The following MYO7A variants were observed in gnomAD, a reference collection of about 807,000 sequenced individuals.
MYO7A encodes the protein unconventional myosin-VIIa.
MYO7A carries 210 observed loss-of-function variants against 263.8 expected under a neutral mutation model. The observed-to-expected ratio is 0.80, with a 90% CI of 0.71 to 0.89. MYO7A has a LOEUF of 0.89. Among genes scored for constraint, MYO7A ranks in the 40% least tolerant of loss-of-function variants. The pLI, the probability that MYO7A is intolerant of heterozygous loss-of-function variation, is 0.00. For missense variants in MYO7A, 2,820 were observed against 2,968.3 expected (o/e 0.95, Z 1.16); for synonymous variants, 1,239 against 1,197.3 (o/e 1.03, Z -0.72).
chr11:77,190,026 C>G lies in MYO7A; in HGVS notation c.3637C>G (p.Arg1213Gly), dbSNP rs772481987. The change falls in exon 29 of 49, where the codon CGG becomes GGG. Residue 1213 changes from arginine (R) to glycine (G), a missense_variant. Transcript: ENST00000409709. ...APSEKFVKYL[R>G]NFIHGGPPGY... ...GCGGGTACTCTGGCTGCAGTACCTG[C>G]GGAACTTCATCCACGGGGGCCCGCC... 2 of 1,549,814 alleles carry G rather than the reference C, an allele frequency of 1.3e-6. No homozygotes were observed. Among genetic ancestry groups the G allele is most frequent in the South Asian group, 1.2e-5 (1 of 83,666 alleles).
chr11:77,174,629 G>T, intron 16 of MYO7A, 127 bp from the exon 17 acceptor site: 1 of 958,048 alleles, frequency 1.0e-6, no homozygotes, highest in East Asian at 2.7e-5. Flanking sequence ...GCCTGTCCCA[G>T]CTTTGCTCCT....
intron 4 of MYO7A, 100 bp downstream of exon 4, chr11:77,148,050 G>C: frequency 9.0e-7 from 1 of 1,109,460 alleles, no homozygotes; most frequent in Non-Finnish European, 1.2e-6. Flanking sequence ...CCGCCCTGCC[G>C]GGGCCCTGCC....
intron 15 of MYO7A, among the ~76,000 whole-genome samples, chr11:77,169,805 G>A (rs1485290051): frequency 6.6e-6 from 1 of 152,216 alleles, no homozygotes; most frequent in African/African-American, 2.4e-5. Flanking sequence ...GCCAGGTGAA[G>A]TGGCTCACAC....
chr11:77,147,713 CG>C, intron 3 of MYO7A, 84 bp from the exon 4 acceptor site: 1 of 1,549,230 alleles, frequency 6.5e-7, no homozygotes, highest in South Asian at 1.2e-5. Flanking sequence ...GCACTCACCC[CG>C]CGCTCCCGCC....
In MYO7A at chr11:77,204,215, C is replaced by T. The variant is rs548620787; in HGVS notation, c.5466C>T (p.Thr1822=). ...ATGTGCAGATCCTGAAGCAGCTGAC[C>T]GACAACCACATCAGGTGAGCCAGGC... ...EAYVQILKQL[T]DNHIRYSEER... The change falls in exon 39 of 49, where the codon ACC becomes ACT. Residue 1822 remains threonine (T), a synonymous_variant. Coordinates refer to ENST00000409709, the MANE Select transcript of MYO7A (RefSeq NM_000260.4). 9.3e-5 allele frequency: 146 copies of T among 1,575,796 alleles called. No homozygotes were observed. Among genetic ancestry groups the T allele is most frequent in the East Asian group, 2.6e-4 (11 of 42,444 alleles).
chr11:77,175,023 C>T, intron 17 of MYO7A, 109 bp downstream of exon 17: 2 of 1,394,270 alleles, frequency 1.4e-6, no homozygotes, highest in African/African-American at 1.4e-5. Flanking sequence ...ATCTGCTTGA[C>T]CTCTCAGGTG....
At position 77,207,337 on chromosome 11, in the gene MYO7A, A is replaced by G. The variant is rs772814170; in HGVS notation, c.5791A>G (p.Ile1931Val). The change falls in exon 42 of 49, where the codon ATC (isoleucine) becomes GTC (valine). Residue 1931 changes from isoleucine (I) to valine (V), a missense_variant. Physicochemically the swap from Ile to Val is conservative, Grantham distance 29. Transcript: ENST00000409709. ...STKAKDFCQNIATRLLLKSSE... is the reference protein window; with the variant it reads ...STKAKDFCQNVATRLLLKSSE... ...CAAGGCCAAGGACTTCTGCCAGAAC[A>G]TCGCCACCAGGCTGCTCCTCAAGTC... The G allele has an allele frequency of 1.2e-6, 2 of 1,612,706 alleles. No homozygotes were observed. Among genetic ancestry groups the G allele is most frequent in the Admixed American group, 1.7e-5 (1 of 59,884 alleles).
chr11:77,147,782 T>G lies in MYO7A; in HGVS notation c.133-16T>G. On this transcript the variant is annotated splice_polypyrimidine_tract_variant and intron_variant, in intron 3 of 48. Transcript: ENST00000409709. Reference sequence around the variant, plus strand: ...TGGGCCCCAGGAGAGCACGCTGACGTTCTGGCTCCCCGCAGGAACACTGGA... The same window carrying G: ...TGGGCCCCAGGAGAGCACGCTGACGGTCTGGCTCCCCGCAGGAACACTGGA... 2 of 1,606,154 alleles carry G rather than the reference T, an allele frequency of 1.2e-6. No individual in the cohort carries two copies. The highest frequency in any genetic ancestry group is 8.5e-7 in the Non-Finnish European group (1 of 1,177,122).
chr11:77,199,717 C>T lies in MYO7A; in HGVS notation c.4751C>T (p.Ser1584Phe), dbSNP rs1346469022. ...AAGGGGGACGAATACACCTTCACCT[C>T]CAGCAATGCTGAGGACATTCGTGAC... The part of the protein sequence containing the change: ...TIKGDEYTFT[S>F]SNAEDIRDLV... Residue 1584 changes from serine to phenylalanine, a missense_variant, in exon 35 of 49, where the codon TCC becomes TTC. Physicochemically the swap from Ser to Phe is radical, Grantham distance 155. Transcript: ENST00000409709. 2 of 1,613,580 alleles carry T rather than the reference C, an allele frequency of 1.2e-6. No homozygotes were observed. The highest frequency in any genetic ancestry group is 8.5e-7 in the Non-Finnish European group (1 of 1,179,850).
rs535826773 is a variant in MYO7A at position 77,129,615 on chromosome 11, C to T, written c.-46-974C>T. On this transcript the variant is annotated intron_variant, in intron 1 of 48. Transcript: ENST00000409709. Reference sequence around the variant, plus strand: ...GGCCACATCCTGCCCTGGATCAACTCGCCAACTTTGGGGGCAGAGGTGGGA... The same window carrying T: ...GGCCACATCCTGCCCTGGATCAACTTGCCAACTTTGGGGGCAGAGGTGGGA... Among the ~76,000 whole-genome samples the T allele has an allele frequency of 9.8e-4, 149 of 152,294 alleles. 1 individual carries two copies. The highest frequency in any genetic ancestry group is 3.4e-3 in the African/African-American group (142 of 41,548).
In MYO7A at chr11:77,142,763, G is replaced by T. The variant is rs782252317; in HGVS notation, c.73G>T (p.Gly25Trp). The stretch of plus-strand genomic sequence containing the variant: ...GGGGCAGGAGTTCGACGTGCCCATC[G>T]GGGCGGTGGTGAAGCTCTGCGACTC... ...RLGQEFDVPI[G>W]AVVKLCDSGQ... is the part of the protein sequence containing the mutation. The change falls in exon 3 of 49, where the codon GGG (glycine) becomes TGG (tryptophan). Residue 25 changes from glycine to tryptophan, a missense_variant. Gly to Trp is a radical substitution (Grantham distance 184). Transcript: ENST00000409709. 1 of 1,612,182 alleles carries T rather than the reference G, an allele frequency of 6.2e-7. No individual in the cohort carries two copies.
At chr11:77,207,914 A>G (rs538297832) in intron 42 of MYO7A, among the ~76,000 whole-genome samples, 1 of 152,306 alleles carries the variant, frequency 6.6e-6, no homozygotes, top group African/African-American at 2.4e-5. Flanking sequence ...CTGTCCCTGG[A>G]AGTCTTCCAG....
At chr11:77,137,866 T>G (rs1303708139) in intron 2 of MYO7A, among the ~76,000 whole-genome samples, 7 of 151,948 alleles carry the variant, frequency 4.6e-5, no homozygotes, top group Non-Finnish European at 5.9e-5. Context: ...CTGCCCTCAC[T>G]CCCCAGAGGC....
rs192859275 is a variant in MYO7A, at chr11:77,164,878, A to G, written c.1691-1178A>G. Among the ~76,000 whole-genome samples, 363 of 152,352 alleles carry G rather than the reference A, an allele frequency of 2.4e-3. 2 individuals carry two copies. Among genetic ancestry groups the G allele is most frequent in the Non-Finnish European group, 3.6e-3 (243 of 68,026 alleles). On this transcript the variant is annotated intron_variant, in intron 14 of 48. Transcript: ENST00000409709. Reference sequence around the variant, plus strand: ...CCCAGAAAGGGAAATGGCTTGCCTAAGGTTGTTAAACAAGACTAAATGACT... The same window carrying G: ...CCCAGAAAGGGAAATGGCTTGCCTAGGGTTGTTAAACAAGACTAAATGACT...
At chr11:77,183,456 G>A (rs781960453) in intron 26 of MYO7A, among the ~76,000 whole-genome samples, 5 of 152,244 alleles carry the variant, frequency 3.3e-5, no homozygotes, top group African/African-American at 7.2e-5. Flanking sequence ...ACTTCTAGCC[G>A]GGCACAGACC....
chr11:77,173,653 A>T (rs531891083), intron 16 of MYO7A, among the ~76,000 whole-genome samples: 2 of 152,022 alleles, frequency 1.3e-5, no homozygotes, highest in Non-Finnish European at 2.9e-5. Context: ...GCACAGGGGG[A>T]AGCTGGGGCC....
chr11:77,187,150 C>T (rs965588077), intron 27 of MYO7A, among the ~76,000 whole-genome samples: 31 of 152,048 alleles, frequency 2.0e-4, no homozygotes, highest in Non-Finnish European at 5.9e-5. Context: ...ACAATAGTAA[C>T]GTTAAAGATT....
rs782395712 is a variant in MYO7A at position 77,158,259 on chromosome 11, T to C, written c.850-18T>C. On this transcript the variant is annotated intron_variant, in intron 8 of 48. Coordinates refer to ENST00000409709, the MANE Select transcript of MYO7A (RefSeq NM_000260.4). ...ACTGACGTCCTCTTGCACCCCACTC[T>C]CCCACCCTGCCCACCAGGGTAACTG... 8 of 1,579,844 alleles carry C rather than the reference T, an allele frequency of 5.1e-6. No homozygotes were observed. Among genetic ancestry groups the C allele is most frequent in the Non-Finnish European group, 8.6e-7 (1 of 1,157,124 alleles).
At chr11:77,157,562 C>T (rs1555064603) in intron 8 of MYO7A, among the ~76,000 whole-genome samples, 170 bp downstream of exon 8, 3 of 152,210 alleles carry the variant, frequency 2.0e-5, no homozygotes, top group African/African-American at 7.2e-5. Context: ...ATTGCTGCCA[C>T]CAAGCAAAGG....
Sources: gnomAD v4.1 joint callset for allele counts (sites outside exome capture counted in the v4.1 genomes callset) on GRCh38, gnomAD v4.1.1 for gene constraint, MANE v1.5 for transcripts, NCBI Gene and HGNC (gene_info 2026-07-23, HGNC 2026-07-21) for gene names.